MEIS1: variants seen among roughly 807,000 people sequenced by gnomAD.
MEIS1 encodes the protein Meis homeobox 1.
In MEIS1, 5 loss-of-function variants were observed where a neutral mutation model predicts 50.8. The ratio of observed to expected loss-of-function variants is 0.10; its 90% CI spans 0.05 to 0.21. The LOEUF (loss-of-function observed/expected upper bound fraction) is 0.21, where lower values mean the gene tolerates loss of function less well. Among genes scored for constraint, MEIS1 ranks in the 10% least tolerant of loss-of-function variants. MEIS1 has a pLI of 1.00. For synonymous variants in MEIS1, 176 were observed against 179.3 expected, an observed-to-expected ratio of 0.98 and a Z score of 0.15; for missense variants, 318 against 517.3, an observed-to-expected ratio of 0.61 and a Z score of 3.74.
chr2:66,453,346 A>G (rs1573134893), intron 6 of MEIS1, among the ~76,000 whole-genome samples: 1 of 151,984 alleles, frequency 6.6e-6, no homozygotes, highest in Non-Finnish European at 1.5e-5. Context: ...GAAGAATGAC[A>G]TTCTGATTAA....
chr2:66,511,944 G>A (rs1673841314), intron 7 of MEIS1, among the ~76,000 whole-genome samples: 1 of 152,206 alleles, frequency 6.6e-6, no homozygotes, highest in South Asian at 2.1e-4. Context: ...TTCTTTGGAA[G>A]AAGTTCTTTA....
chr2:66,451,604 A>T (rs1672277979), intron 6 of MEIS1, among the ~76,000 whole-genome samples: 1 of 152,080 alleles, frequency 6.6e-6, no homozygotes, highest in South Asian at 2.1e-4. Context: ...TCGAATATTA[A>T]CTTAATTTGA....
intron 6 of MEIS1, among the ~76,000 whole-genome samples, chr2:66,447,212 A>T (rs1252762538): frequency 6.6e-6 from 1 of 152,114 alleles, no homozygotes; most frequent in South Asian, 2.1e-4. Flanking sequence ...AGAAAAGTGG[A>T]CACAAACAGC....
chr2:66,442,823 G>C, intron 5 of MEIS1, 79 bp from the exon 6 acceptor site: 2 of 1,353,748 alleles, frequency 1.5e-6, no homozygotes, highest in Admixed American at 2.8e-5. Flanking sequence ...GATCTCACAA[G>C]GGGGGTGGAT....
chr2:66,515,940 C>G (rs1327567927), intron 8 of MEIS1, among the ~76,000 whole-genome samples: 1 of 152,130 alleles, frequency 6.6e-6, no homozygotes, highest in Non-Finnish European at 1.5e-5. Flanking sequence ...ATCAAGGTTT[C>G]TTTTTCCTTC....
chr2:66,439,646 C>A, intron 2 of MEIS1, 197 bp from the exon 3 acceptor site: 1 of 1,538,178 alleles, frequency 6.5e-7, no homozygotes, highest in Non-Finnish European at 8.7e-7. Flanking sequence ...GGGCCTCCGA[C>A]TTCAGGGCTC....
intron 1 of MEIS1, chr2:66,436,828 C>T: frequency 1.0e-6 from 1 of 960,438 alleles, no homozygotes; most frequent in South Asian, 4.8e-5. Flanking sequence ...ACCTAAATAG[C>T]TAAATTTCAC....
intron 6 of MEIS1, among the ~76,000 whole-genome samples, chr2:66,463,700 C>T (rs990463609): frequency 1.3e-5 from 2 of 152,142 alleles, no homozygotes; most frequent in Admixed American, 1.3e-4. Flanking sequence ...TAGGATGAAT[C>T]AGAGGCCCCT....
At position 66,551,227 on chromosome 2, in the gene MEIS1, T is replaced by G. The variant is rs376024480; in HGVS notation, c.965+3208T>G. 4.6e-5 allele frequency among the ~76,000 whole-genome samples: 7 copies of G among 152,318 alleles called. No individual in the cohort carries two copies. The South Asian group carries it at 1.0e-3, about 23-fold the overall frequency. On this transcript the variant is annotated intron_variant, in intron 9 of 12. Coordinates refer to ENST00000272369, the MANE Select transcript of MEIS1 (RefSeq NM_002398.3). ...AAATAGACAAGAAGTTTGCTACATT[T>G]TAATGGTTCTTTCACTTCATCACTG...
chr2:66,526,559 A>G (rs1252358319), intron 8 of MEIS1, among the ~76,000 whole-genome samples: 2 of 152,202 alleles, frequency 1.3e-5, no homozygotes, highest in African/African-American at 4.8e-5. Context: ...CATGCTTTCT[A>G]TTCTGGAAGC....
At chr2:66,488,050 A>T (rs1291911527) in intron 7 of MEIS1, among the ~76,000 whole-genome samples, 2 of 152,246 alleles carry the variant, frequency 1.3e-5, no homozygotes, top group African/African-American at 4.8e-5. Context: ...ATTCTTTTGC[A>T]TACAAATATG....
intron 7 of MEIS1, 43 bp from the exon 8 acceptor site, chr2:66,512,106 G>T (rs768892762): frequency 6.6e-7 from 1 of 1,512,380 alleles, no homozygotes; most frequent in South Asian, 1.4e-5. Flanking sequence ...AATAAAGCAT[G>T]TCAAGGTAGC....
At chr2:66,484,313 C>G (rs976325697) in intron 7 of MEIS1, among the ~76,000 whole-genome samples, 1 of 152,144 alleles carries the variant, frequency 6.6e-6, no homozygotes, top group African/African-American at 2.4e-5. Flanking sequence ...GTCTTTTTCT[C>G]TTTTTTATGT....
chr2:66,473,453 A>G (rs1672818091), intron 7 of MEIS1, among the ~76,000 whole-genome samples: 1 of 148,022 alleles, frequency 6.8e-6, no homozygotes, highest in Admixed American at 6.7e-5. Context: ...GGCTTAAATA[A>G]CAAGATCTAC....
chr2:66,507,950 T>G (rs571795657), intron 7 of MEIS1, among the ~76,000 whole-genome samples: 1 of 152,226 alleles, frequency 6.6e-6, no homozygotes, highest in Non-Finnish European at 1.5e-5. Flanking sequence ...CAAGAAATTG[T>G]CCGTAGACGA....
intron 7 of MEIS1, among the ~76,000 whole-genome samples, chr2:66,494,191 G>A (rs961646284): frequency 1.3e-5 from 2 of 152,082 alleles, no homozygotes; most frequent in African/African-American, 2.4e-5. Flanking sequence ...TCAACAAATC[G>A]ATCACTTGTT....
chr2:66,453,388 T>C (rs1358305679), intron 6 of MEIS1, among the ~76,000 whole-genome samples: 1 of 152,018 alleles, frequency 6.6e-6, no homozygotes, highest in Non-Finnish European at 1.5e-5. Flanking sequence ...ACAGTGCAAC[T>C]CAGCATCTTA....
chr2:66,439,777 G>A, intron 2 of MEIS1, 66 bp from the exon 3 acceptor site: 2 of 1,606,458 alleles, frequency 1.2e-6, no homozygotes, highest in Non-Finnish European at 1.7e-6. Flanking sequence ...GTTTTTCTTG[G>A]GCACCTTTTT....
At chr2:66,563,376 T>C (rs1251152467) in intron 9 of MEIS1, among the ~76,000 whole-genome samples, 4 of 152,212 alleles carry the variant, frequency 2.6e-5, no homozygotes, top group African/African-American at 9.6e-5. Flanking sequence ...ATGTTGAATC[T>C]CTAATATATA....
Sources: gnomAD v4.1 joint callset for allele counts (sites outside exome capture counted in the v4.1 genomes callset) on GRCh38, gnomAD v4.1.1 for gene constraint, MANE v1.5 for transcripts, NCBI Gene and HGNC (gene_info 2026-07-23, HGNC 2026-07-21) for gene names.